The following PLA2G4F variants were observed in gnomAD, a reference collection of about 807,000 sequenced individuals.
PLA2G4F encodes cytosolic phospholipase A2 zeta.
Under a neutral mutation model 103.1 loss-of-function variants are expected in PLA2G4F, and 105 were observed. The observed-to-expected ratio is 1.02, with a 90% CI of 0.87 to 1.20. The LOEUF is 1.20. PLA2G4F is among the 50% of genes most tolerant of loss of function. The probability of loss-of-function intolerance (pLI) is 0.00; values close to 1 mark genes in which losing one functional copy is unlikely to be tolerated. For synonymous variants in PLA2G4F, 468 were observed against 441.1 expected (o/e 1.06, Z -0.76); for missense variants, 1,155 against 1,075.9 (o/e 1.07, Z -1.03).
chr15:42,141,864 C>G lies in PLA2G4F; in HGVS notation c.*120G>C, dbSNP rs553315994. On this transcript the variant is annotated 3_prime_UTR_variant, in exon 20 of 20. Transcript: ENST00000397272. The stretch of plus-strand genomic sequence containing the variant: ...TTCCGGGGCCTGGGGCACCTCGAGG[C>G]AGGTCCTGGAGAGAAGGGAAGCAGA... 80 of 1,069,774 alleles carry G rather than the reference C, an allele frequency of 7.5e-5. No homozygotes were observed. Among genetic ancestry groups the G allele is most frequent in the Admixed American group, 2.5e-4 (11 of 43,258 alleles). 66.3% of individuals were successfully genotyped at this position (1,069,774 alleles called of 1,614,324 possible).
In PLA2G4F at chr15:42,144,577, C is replaced by A. The variant is rs201766447; in HGVS notation, c.1848G>T (p.Gly616=). 6.2e-6 allele frequency: 10 copies of A among 1,613,122 alleles called. No individual in the cohort carries two copies. Among genetic ancestry groups the A allele is most frequent in the Non-Finnish European group, 8.5e-6 (10 of 1,179,854 alleles). ...RLRTRLLTPQ[G]PFSQAVLDIF... ...TGTCCAGCACAGCCTGGGAGAAGGG[C>A]CCCTGTGGGGTGAGGAGCCTCGTTC... Residue 616 remains glycine (G), a synonymous_variant, in exon 17 of 20, where the codon GGG becomes GGT. Coordinates refer to ENST00000397272, the MANE Select transcript of PLA2G4F (RefSeq NM_213600.4).
rs2048829003 is a variant in PLA2G4F, at chr15:42,141,854, C to A, written c.*130G>T. 6.4e-6 allele frequency: 6 copies of A among 930,304 alleles called. No homozygotes were observed. The highest frequency in any genetic ancestry group is 1.7e-5 in the African/African-American group (1 of 60,266). The allele number at this position is 930,304 out of a possible 1,614,324, so 57.6% of individuals were successfully genotyped here. On this transcript the variant is annotated 3_prime_UTR_variant, in exon 20 of 20. Coordinates refer to ENST00000397272, the MANE Select transcript of PLA2G4F (RefSeq NM_213600.4). Reference sequence around the variant, plus strand: ...TGCAAGAGCTTTCCGGGGCCTGGGGCACCTCGAGGCAGGTCCTGGAGAGAA... The same window carrying A: ...TGCAAGAGCTTTCCGGGGCCTGGGGAACCTCGAGGCAGGTCCTGGAGAGAA...
In PLA2G4F at chr15:42,145,638, G is replaced by T. The variant is rs369238792; in HGVS notation, c.1717C>A (p.Leu573Ile). Reference sequence around the variant, plus strand: ...CTGAGGCCCGAGCCGGCGGTCTTTAGGAAGATCTCATCCAGGCTGGTGGCA... The same window carrying T: ...CTGAGGCCCGAGCCGGCGGTCTTTATGAAGATCTCATCCAGGCTGGTGGCA... ...AFATSLDEIF[L>I]KTAGSGLSFL... The change falls in exon 16 of 20, where the codon CTA (leucine) becomes ATA (isoleucine). Residue 573 changes from leucine to isoleucine, a missense_variant. This residue lies in a region of PLA2G4F where 782 missense variants were observed against 692.9 expected (regional missense o/e 1.13). Coordinates refer to ENST00000397272, the MANE Select transcript of PLA2G4F (RefSeq NM_213600.4). 6.2e-7 allele frequency: 1 copy of T among 1,614,130 alleles called. No individual in the cohort carries two copies. The highest frequency in any genetic ancestry group is 8.5e-7 in the Non-Finnish European group (1 of 1,180,018).
rs140725579 is a variant in PLA2G4F at position 42,150,683 on chromosome 15, G to A, written c.696C>T (p.Thr232=). Residue 232 remains threonine (T), a synonymous_variant, in exon 8 of 20, where the codon ACC becomes ACT. Transcript: ENST00000397272. ...QPPTEPGLPP[T]FTFHVNPVLS... ...GCACTGGGTTCACGTGGAAGGTAAA[G>A]GTGGGTGGGAGGCCTGGCTCTGTGG... 4.1e-3 allele frequency: 6,542 copies of A among 1,613,830 alleles called. 58 individuals carry two copies. The highest frequency in any genetic ancestry group is 0.027 in the Middle Eastern group (164 of 6,058).
rs1319892332 is a variant in PLA2G4F, at chr15:42,141,390, C to CT, written c.*593dup. The stretch of plus-strand genomic sequence containing the variant: ...AGGGCGCTGGGAAGAGAAGGGTGAT[C>CT]TGGGAGGAGGCACGAGGAGACCAGA... On this transcript the variant is annotated 3_prime_UTR_variant, in exon 20 of 20. Transcript: ENST00000397272. 1.1e-5 allele frequency: 5 copies of CT among 456,304 alleles called. No individual in the cohort carries two copies. The highest frequency in any genetic ancestry group is 2.2e-5 in the Non-Finnish European group (5 of 226,830). The allele number at this position is 456,304 out of a possible 1,614,324, so 28.3% of individuals were successfully genotyped here.
At chr15:42,149,119 C>G in intron 11 of PLA2G4F, 7 of 985,382 alleles carry the variant, frequency 7.1e-6, no homozygotes, top group Non-Finnish European at 8.4e-6. Flanking sequence ...CCAGGGACCC[C>G]CCAACCTCCA....
chr15:42,142,750 C>A, intron 18 of PLA2G4F, 36 bp from the exon 19 acceptor site: 1 of 1,607,862 alleles, frequency 6.2e-7, no homozygotes, highest in South Asian at 1.1e-5. Flanking sequence ...TGCCTTTCCT[C>A]CACCCTGGCC....
At chr15:42,153,202 G>A (rs2048976880) in intron 6 of PLA2G4F, 98 bp downstream of exon 6, 1 of 1,357,328 alleles carries the variant, frequency 7.4e-7, no homozygotes, top group Middle Eastern at 2.2e-4. Flanking sequence ...AGGAGGGCTT[G>A]GGTGTCCTTC....
rs755234941 is a variant in PLA2G4F at position 42,155,575 on chromosome 15, T to G, written c.126A>C (p.Pro42=). The G allele has an allele frequency of 6.2e-7, 1 of 1,614,042 alleles. No individual in the cohort carries two copies. Among genetic ancestry groups the G allele is most frequent in the Non-Finnish European group, 8.5e-7 (1 of 1,179,936 alleles). Residue 42 remains proline (P), a synonymous_variant, in exon 2 of 20, where the codon CCA becomes CCC. Transcript: ENST00000397272. ...LWRHWRRETY[P]YYDLQVKVLR... is the part of the protein sequence containing the mutation. The stretch of plus-strand genomic sequence containing the variant: ...GCACCTTCACCTGGAGGTCATAGTA[T>G]GGGTAGGTTTCCCGCTGCAATAACA...
rs558275832 is a variant in PLA2G4F, at chr15:42,156,598, G to C, written c.-49C>G. On this transcript the variant is annotated 5_prime_UTR_variant, in exon 1 of 20. Coordinates refer to ENST00000397272, the MANE Select transcript of PLA2G4F (RefSeq NM_213600.4). Reference sequence around the variant, plus strand: ...AGGGAACCCTGCCTGCGCTCCTCTGGTTGCACAAACTGCTGGCTCAGGTGT... The same window carrying C: ...AGGGAACCCTGCCTGCGCTCCTCTGCTTGCACAAACTGCTGGCTCAGGTGT... 1.4e-5 allele frequency: 19 copies of C among 1,353,186 alleles called. No individual in the cohort carries two copies. The African/African-American group carries it at 2.5e-4, about 18-fold the overall frequency. 83.8% of individuals were successfully genotyped at this position (1,353,186 alleles called of 1,614,324 possible).
chr15:42,149,838 G>A lies in PLA2G4F; in HGVS notation c.934C>T (p.Leu312=), dbSNP rs148266549. Residue 312 remains leucine (L), a synonymous_variant, in exon 11 of 20, where the codon CTA becomes TTA. Transcript: ENST00000397272. ...SMKVEMSSGD[L]DLRLGFDLSD... is the part of the protein sequence containing the mutation. ...AGGTCAAAGCCAAGGCGTAGGTCTAGGTCCCCGGAGCTGCCTCAAGTAGGG... is the reference window on the plus strand; with the variant it reads ...AGGTCAAAGCCAAGGCGTAGGTCTAAGTCCCCGGAGCTGCCTCAAGTAGGG... The A allele has an allele frequency of 3.7e-6, 6 of 1,614,186 alleles. No homozygotes were observed. The East Asian group carries it at 1.1e-4, about 30-fold the overall frequency.
chr15:42,147,098 G>A (rs376641966), intron 13 of PLA2G4F, 26 bp downstream of exon 13: 28 of 1,592,716 alleles, frequency 1.8e-5, no homozygotes, highest in Non-Finnish European at 2.1e-5. Flanking sequence ...AGGAGCCTAC[G>A]TATTTCCTTC....
intron 6 of PLA2G4F, 95 bp downstream of exon 6, chr15:42,153,205 T>C: frequency 7.2e-7 from 1 of 1,379,588 alleles, no homozygotes; most frequent in East Asian, 2.3e-5. Flanking sequence ...AGGGCTTGGG[T>C]GTCCTTCAGA....
At position 42,154,204 on chromosome 15, in the gene PLA2G4F, G is replaced by T. The variant is rs763127543; in HGVS notation, c.338C>A (p.Thr113Asn). ...GCCCAGGATGTCCTTGTCATAGAGG[G>T]TGAGCTCCAGGACGTTCTGGGGACA... ...HGAVKNVLEL[T>N]LYDKDILGSD... Residue 113 changes from threonine (T) to asparagine (N), a missense_variant, in exon 4 of 20, where the codon ACC (threonine) becomes AAC (asparagine). By Grantham distance (65) the Thr-to-Asn change is moderately conservative (BLOSUM62 0). This residue lies in a region of PLA2G4F where 370 missense variants were observed against 364.9 expected (regional missense o/e 1.01). Coordinates refer to ENST00000397272, the MANE Select transcript of PLA2G4F (RefSeq NM_213600.4). 33 of 1,614,098 alleles carry T rather than the reference G, an allele frequency of 2.0e-5. No homozygotes were observed. The highest frequency in any genetic ancestry group is 2.7e-5 in the Non-Finnish European group (32 of 1,180,042).
intron 13 of PLA2G4F, 102 bp from the exon 14 acceptor site, chr15:42,146,343 A>G (rs2048885215): frequency 5.2e-6 from 6 of 1,155,626 alleles, no homozygotes; most frequent in Non-Finnish European, 7.6e-6. Context: ...TGCCCACAAG[A>G]GAGGCTTTGG....
Position 42,150,426 on chromosome 15 carries a change from G to C in PLA2G4F, c.832C>G (p.Leu278Val), listed in dbSNP as rs981485074. ...TCCTGGCCTAGGGGCAGAGAGGAGAGCAGGATGCCCCCCTCGCCCAGCTTG... is the reference window on the plus strand; with the variant it reads ...TCCTGGCCTAGGGGCAGAGAGGAGACCAGGATGCCCCCCTCGCCCAGCTTG... ...TSKLGEGGIL[L>V]SSLPLGQEEQ... is the part of the protein sequence containing the mutation. Residue 278 changes from leucine (L) to valine (V), a missense_variant, in exon 9 of 20, where the codon CTC becomes GTC. Physicochemically the swap from Leu to Val is conservative, Grantham distance 32. Transcript: ENST00000397272. 6.2e-7 allele frequency: 1 copy of C among 1,613,374 alleles called. No individual in the cohort carries two copies. Among genetic ancestry groups the C allele is most frequent in the Non-Finnish European group, 8.5e-7 (1 of 1,179,944 alleles).
chr15:42,155,248 C>G (rs898936377), intron 2 of PLA2G4F, among the ~76,000 whole-genome samples: 1 of 152,072 alleles, frequency 6.6e-6, no homozygotes, highest in African/African-American at 2.4e-5. Flanking sequence ...TATATACACA[C>G]TCGTGTTCCC....
Position 42,146,128 on chromosome 15 carries a change from T to A in PLA2G4F, c.1533A>T (p.Ala511=). The change falls in exon 14 of 20, where the codon GCA becomes GCT. Residue 511 remains alanine, a splice_region_variant and synonymous_variant. Coordinates refer to ENST00000397272, the MANE Select transcript of PLA2G4F (RefSeq NM_213600.4). The part of the protein sequence containing the change: ...VRTNLSGEDF[A]EWCEFTPYEV... ...TCCTTCGTCTCCACACCCAGGCACC[T>A]GCAAAATCTTCCCCACTCAAGTTGG... 1 of 1,613,688 alleles carries A rather than the reference T, an allele frequency of 6.2e-7. No homozygotes were observed. Among genetic ancestry groups the A allele is most frequent in the Non-Finnish European group, 8.5e-7 (1 of 1,179,556 alleles).
rs749026176 is a variant in PLA2G4F, at chr15:42,145,887, C to T, written c.1551G>A (p.Thr517=). The T allele has an allele frequency of 6.2e-6, 10 of 1,613,860 alleles. No homozygotes were observed. Among genetic ancestry groups the T allele is most frequent in the African/African-American group, 1.3e-5 (1 of 74,916 alleles). ...GEDFAEWCEF[T]PYEVGFPKYG... ...ACTTGGGGAAGCCAACCTCATAGGG[C>T]GTGAACTCGCACCACTCTAGGGGCC... The change falls in exon 15 of 20, where the codon ACG becomes ACA. Residue 517 remains threonine, a synonymous_variant. Transcript: ENST00000397272.
Sources: gnomAD v4.1 joint callset for allele counts (sites outside exome capture counted in the v4.1 genomes callset) on GRCh38, gnomAD v4.1.1 for gene constraint, gnomAD v4.1.1 regional missense constraint, MANE v1.5 for transcripts, NCBI Gene and HGNC (gene_info 2026-07-23, HGNC 2026-07-21) for gene names.